Variants in CHL1 observed in about 807,000 individuals in gnomAD.
CHL1 encodes cell adhesion molecule L1 like.
In CHL1, 96 loss-of-function variants were observed where a neutral mutation model predicts 141.9. The ratio of observed to expected loss-of-function variants is 0.68; its 90% CI spans 0.57 to 0.80. CHL1 has a LOEUF of 0.80. Ranked by LOEUF, CHL1 falls within the 30% of genes least tolerant of loss-of-function variation. CHL1 has a pLI of 0.00. For missense variants in CHL1, 1,820 were observed against 1,457.2 expected (o/e 1.25, Z -4.05); for synonymous variants, 613 against 502.2 (o/e 1.22, Z -2.95).
rs140951289 is a variant in CHL1 at position 240,186 on chromosome 3, G to C, written c.-174-4427G>C. ...AATCTCCGTACTGTTTTCCATAGTG[G>C]TTGTGCTAGTTGACATTCTCACCAG... On this transcript the variant is annotated intron_variant, in intron 1 of 27. Coordinates refer to ENST00000256509, the MANE Select transcript of CHL1 (RefSeq NM_006614.4). Among the ~76,000 whole-genome samples the C allele has an allele frequency of 8.7e-4, 133 of 152,268 alleles. 1 individual carries two copies. Among genetic ancestry groups the C allele is most frequent in the African/African-American group, 3.0e-3 (123 of 41,554 alleles).
In CHL1 at chr3:406,278, T is replaced by G. The variant is rs1447947732; in HGVS notation, c.*567T>G. The stretch of plus-strand genomic sequence containing the variant: ...CTTAGGTGAACAATCAACTAGTATT[T>G]GTTGAGCTCCTATTTGCCCAGAGAT... On this transcript the variant is annotated 3_prime_UTR_variant, in exon 28 of 28. Transcript: ENST00000256509. The G allele has an allele frequency of 6.6e-6, 1 of 152,246 alleles. No homozygotes were observed. Among genetic ancestry groups the G allele is most frequent in the Non-Finnish European group, 1.5e-5 (1 of 68,080 alleles). The allele number at this position is 152,246 out of a possible 1,614,324, so 9.4% of individuals were successfully genotyped here. A position where few individuals can be genotyped will look rare whatever the true frequency, so the allele number is the denominator to read the frequency against.
intron 9 of CHL1, among the ~76,000 whole-genome samples, chr3:345,975 G>C (rs1232039036): frequency 6.6e-6 from 1 of 152,106 alleles, no homozygotes; most frequent in Admixed American, 6.6e-5. Flanking sequence ...TACCATTGAG[G>C]ATACCTTGGG....
intron 3 of CHL1, among the ~76,000 whole-genome samples, chr3:323,958 G>C (rs950320231): frequency 5.3e-5 from 8 of 152,080 alleles, no homozygotes; most frequent in African/African-American, 1.9e-4. Flanking sequence ...TAAAATATGT[G>C]ATTTACTTTA....
At chr3:337,189 TTG>T (rs775982051) in intron 5 of CHL1, among the ~76,000 whole-genome samples, 64,459 of 113,892 alleles carry the variant, frequency 0.57, 16,861 homozygotes, top group Admixed American at 0.6. Context: ...TCTTTTGTTT[TTG>T]TTTTTTTTTT....
intron 26 of CHL1, among the ~76,000 whole-genome samples, chr3:399,755 T>C (rs1039766952): frequency 2.6e-5 from 4 of 152,246 alleles, no homozygotes; most frequent in Non-Finnish European, 4.4e-5. Context: ...AGGTCACATA[T>C]ATGCTTTAGT....
At chr3:328,117 A>T (rs1701150059) in intron 4 of CHL1, 50 bp from the exon 5 acceptor site, 1 of 1,450,412 alleles carries the variant, frequency 6.9e-7, no homozygotes, top group Admixed American at 1.9e-5. Context: ...AAGTACTCTA[A>T]ACATATGTCA....
chr3:349,584 A>T, intron 10 of CHL1, 41 bp downstream of exon 10: 1 of 1,538,716 alleles, frequency 6.5e-7, no homozygotes, highest in Non-Finnish European at 8.9e-7. Context: ...CTTTTCAAAA[A>T]AGTAACTGTA....
intron 2 of CHL1, among the ~76,000 whole-genome samples, chr3:287,031 C>G (rs1235021354): frequency 6.6e-6 from 1 of 152,088 alleles, no homozygotes; most frequent in Non-Finnish European, 1.5e-5. Context: ...GTGCCAACCT[C>G]CTATCTCATC....
intron 3 of CHL1, among the ~76,000 whole-genome samples, chr3:324,775 G>T (rs906936294): frequency 6.6e-6 from 1 of 151,726 alleles, no homozygotes; most frequent in Non-Finnish European, 1.5e-5. Flanking sequence ...TTTTTGTAGG[G>T]ATAAGAGTCT....
chr3:267,884 C>G (rs2125229694), intron 2 of CHL1, among the ~76,000 whole-genome samples: 1 of 152,270 alleles, frequency 6.6e-6, no homozygotes, highest in African/African-American at 2.4e-5. Context: ...GAAAATGTAA[C>G]AATTACCATA....
At chr3:284,926 CGTT>C (rs933952884) in intron 2 of CHL1, among the ~76,000 whole-genome samples, 11 of 151,992 alleles carry the variant, frequency 7.2e-5, no homozygotes, top group African/African-American at 2.7e-4. Context: ...TCTATTATAT[CGTT>C]GTTTGACGAA....
At chr3:226,967 G>T (rs986381348) in intron 1 of CHL1, among the ~76,000 whole-genome samples, 20 of 152,218 alleles carry the variant, frequency 1.3e-4, no homozygotes, top group African/African-American at 4.8e-4. Flanking sequence ...GCTAAAAGCT[G>T]AAATGCATGG....
intron 10 of CHL1, among the ~76,000 whole-genome samples, chr3:353,703 G>A: frequency 6.6e-6 from 1 of 151,680 alleles, no homozygotes. Flanking sequence ...TTTTTTCATT[G>A]TATACATACA....
intron 4 of CHL1, 36 bp from the exon 5 acceptor site, chr3:328,131 T>A (rs756202212): frequency 2.6e-6 from 4 of 1,526,516 alleles, no homozygotes; most frequent in Non-Finnish European, 3.6e-6. Flanking sequence ...TATGTCATTA[T>A]TTTTCAGGAT....
intron 1 of CHL1, among the ~76,000 whole-genome samples, chr3:238,816 C>T (rs2125078117): frequency 6.6e-6 from 1 of 151,742 alleles, no homozygotes; most frequent in East Asian, 1.9e-4. Flanking sequence ...GTCTGTAATC[C>T]CAGCTACTCA....
intron 26 of CHL1, 58 bp downstream of exon 26, chr3:399,206 T>C: frequency 7.0e-7 from 1 of 1,438,806 alleles, no homozygotes; most frequent in Non-Finnish European, 9.7e-7. Flanking sequence ...CTGGGAAGCA[T>C]TCTTCAGAGA....
chr3:270,425 G>C (rs1695539692), intron 2 of CHL1, among the ~76,000 whole-genome samples: 1 of 152,144 alleles, frequency 6.6e-6, no homozygotes, highest in Non-Finnish European at 1.5e-5. Context: ...TTGAAAGGGA[G>C]ACTACAGAGA....
intron 10 of CHL1, among the ~76,000 whole-genome samples, chr3:352,789 G>A (rs1305919257): frequency 6.6e-6 from 1 of 152,212 alleles, no homozygotes; most frequent in Non-Finnish European, 1.5e-5. Context: ...GTATAGTGAG[G>A]AAGCCTAGTG....
intron 1 of CHL1, chr3:198,178 G>T: frequency 5.2e-6 from 1 of 191,558 alleles, no homozygotes; most frequent in Non-Finnish European, 1.1e-5. Flanking sequence ...GGAAGGGGTG[G>T]GAGGCCGGCG....
Sources: allele counts gnomAD v4.1 joint callset (sites outside exome capture counted in the v4.1 genomes callset), GRCh38; gene constraint gnomAD v4.1.1; transcripts MANE v1.5; gene names NCBI Gene and HGNC (gene_info 2026-07-23, HGNC 2026-07-21).